GLRA3: variants seen among roughly 807,000 people sequenced by gnomAD.
GLRA3 encodes the protein glycine receptor subunit alpha-3.
A neutral mutation model predicts 60.4 loss-of-function variants in GLRA3; 44 were observed. The ratio of observed to expected loss-of-function variants is 0.73; its 90% CI spans 0.57 to 0.94. The LOEUF (loss-of-function observed/expected upper bound fraction) is 0.94, where lower values mean the gene tolerates loss of function less well. Ranked by LOEUF, GLRA3 falls within the 40% of genes least tolerant of loss-of-function variation. GLRA3 has a pLI of 0.00. For missense variants in GLRA3, 508 were observed against 564.6 expected (o/e 0.90, Z 1.02); for synonymous variants, 223 against 192.9 (o/e 1.16, Z -1.29).
intron 5 of GLRA3, among the ~76,000 whole-genome samples, chr4:174,691,972 G>A (rs534137869): frequency 9.9e-5 from 15 of 151,434 alleles, no homozygotes; most frequent in African/African-American, 1.7e-4. Flanking sequence ...GCCGCCCATC[G>A]TCTGAGATAA....
chr4:174,737,938 T>A (rs968372488), intron 3 of GLRA3, among the ~76,000 whole-genome samples: 1 of 152,180 alleles, frequency 6.6e-6, no homozygotes, highest in Non-Finnish European at 1.5e-5. Flanking sequence ...CAACTAACTA[T>A]GAAATGTGAG....
intron 3 of GLRA3, among the ~76,000 whole-genome samples, chr4:174,739,485 A>G (rs1444934013): frequency 6.6e-6 from 1 of 152,184 alleles, no homozygotes; most frequent in East Asian, 1.9e-4. Context: ...CCTTGCCTAT[A>G]CTTCAGAAAT....
intron 5 of GLRA3, among the ~76,000 whole-genome samples, chr4:174,687,923 G>C (rs1016363130): frequency 6.6e-6 from 1 of 152,066 alleles, no homozygotes; most frequent in African/African-American, 2.4e-5. Flanking sequence ...AGAGTTCATT[G>C]ATATGGTTTC....
chr4:174,774,231 G>A lies in GLRA3; in HGVS notation c.200-7201C>T, dbSNP rs74642457. On this transcript the variant is annotated intron_variant, in intron 2 of 9. Transcript: ENST00000274093. ...GATAATGGGAGCCTGGTTTCTTGCT[G>A]TTGGAAGAGGAAGTTAAAATATGGA... Among the ~76,000 whole-genome samples, 803 of 152,274 alleles carry A rather than the reference G, an allele frequency of 5.3e-3. 6 individuals carry two copies. The highest frequency in any genetic ancestry group is 0.018 in the African/African-American group (761 of 41,540).
intron 7 of GLRA3, among the ~76,000 whole-genome samples, chr4:174,664,292 T>C (rs1438358348): frequency 6.6e-6 from 1 of 152,170 alleles, no homozygotes; most frequent in Admixed American, 6.5e-5. Context: ...CTCTATTTCC[T>C]GACTAAAGCC....
chr4:174,668,370 T>G (rs72998801), intron 7 of GLRA3, among the ~76,000 whole-genome samples: 17 of 152,272 alleles, frequency 1.1e-4, no homozygotes, highest in Admixed American at 1.1e-3. Context: ...GATTATTGAA[T>G]AGCAGTAATT....
chr4:174,648,690 T>C (rs1732924711), intron 9 of GLRA3, among the ~76,000 whole-genome samples: 1 of 152,142 alleles, frequency 6.6e-6, no homozygotes, highest in South Asian at 2.1e-4. Context: ...GCCCTCATTC[T>C]GGGAAGGCAG....
In GLRA3 at chr4:174,639,682, T is replaced by A. The variant is rs1263879940; in HGVS notation, c.*4104A>T. On this transcript the variant is annotated 3_prime_UTR_variant, in exon 10 of 10. Transcript: ENST00000274093. Reference sequence around the variant, plus strand: ...TGAAGTAATTGGAGTACCAGGTGTCTCCCTATGGAAGTTCACTTTTTAATA... The same window carrying A: ...TGAAGTAATTGGAGTACCAGGTGTCACCCTATGGAAGTTCACTTTTTAATA... 6.6e-6 allele frequency: 1 copy of A among 152,110 alleles called. No individual in the cohort carries two copies. Among genetic ancestry groups the A allele is most frequent in the African/African-American group, 2.4e-5 (1 of 41,430 alleles). The allele number at this position is 152,110 out of a possible 1,614,324, so 9.4% of individuals were successfully genotyped here.
At position 174,643,365 on chromosome 4, in the gene GLRA3, AAATAGTTTTAAATCTCAAACTATTGG is replaced by A; in HGVS notation, c.*395_*420del. 2.8e-6 allele frequency: 1 copy of A among 354,424 alleles called. No homozygotes were observed. The highest frequency in any genetic ancestry group is 3.2e-6 in the Non-Finnish European group (1 of 317,400). 22.0% of individuals were successfully genotyped at this position (354,424 alleles called of 1,614,324 possible). A position where few individuals can be genotyped will look rare whatever the true frequency, so the allele number is the denominator to read the frequency against. Reference sequence around the variant, plus strand: ...CCCATTTTGTAACTATACTATAAGAAAATAGTTTTAAATCTCAAACTATTGGTTTACTGTGCAAAATTTGCTTTTGT... The same window carrying A: ...CCCATTTTGTAACTATACTATAAGAATTTACTGTGCAAAATTTGCTTTTGT... On this transcript the variant is annotated 3_prime_UTR_variant, in exon 10 of 10. Transcript: ENST00000274093.
Position 174,677,249 on chromosome 4 carries a change from T to C in GLRA3, c.756A>G (p.Gln252=). Residue 252 remains glutamine (Q), a synonymous_variant, in exon 7 of 10, where the codon CAA becomes CAG. Transcript: ENST00000274093. ...CIEVRFHLER[Q]MGYYLIQMYI... ...ACATCTGGATCAGATAGTATCCCAT[T>C]TGTCGCTCCAGATGGAATCGCACTT... is the stretch of plus-strand genomic sequence containing the variant. 1 of 1,612,944 alleles carries C rather than the reference T, an allele frequency of 6.2e-7. No homozygotes were observed. The highest frequency in any genetic ancestry group is 1.1e-5 in the South Asian group (1 of 91,040).
intron 5 of GLRA3, among the ~76,000 whole-genome samples, chr4:174,693,846 C>T (rs904019360): frequency 1.4e-4 from 22 of 152,110 alleles, no homozygotes; most frequent in Non-Finnish European, 1.5e-5. Flanking sequence ...AGAGACCAAT[C>T]TCACAGGTAA....
chr4:174,721,801 G>A (rs979507753), intron 4 of GLRA3, among the ~76,000 whole-genome samples: 1 of 109,032 alleles, frequency 9.2e-6, no homozygotes, highest in East Asian at 2.8e-4. Flanking sequence ...ACATATAGAT[G>A]TATATGAAAA....
intron 4 of GLRA3, among the ~76,000 whole-genome samples, chr4:174,719,301 C>T (rs1211631616): frequency 6.6e-6 from 1 of 152,054 alleles, no homozygotes; most frequent in Non-Finnish European, 1.5e-5. Context: ...CTCTCAAAAG[C>T]ATTGAAGCAT....
At chr4:174,775,155 G>A (rs1738548993) in intron 2 of GLRA3, among the ~76,000 whole-genome samples, 1 of 152,082 alleles carries the variant, frequency 6.6e-6, no homozygotes, top group Admixed American at 6.6e-5. Flanking sequence ...GATACTTCTT[G>A]TTAAAGTGAC....
chr4:174,653,585 T>C (rs1433492979), intron 9 of GLRA3, among the ~76,000 whole-genome samples: 1 of 151,942 alleles, frequency 6.6e-6, no homozygotes, highest in Non-Finnish European at 1.5e-5. Flanking sequence ...TGGTAAAATT[T>C]AAATTTAAAA....
Position 174,677,244 on chromosome 4 carries a change from C to A in GLRA3, c.761G>T (p.Gly254Val). The stretch of plus-strand genomic sequence containing the variant: ...AATGTACATCTGGATCAGATAGTAT[C>A]CCATTTGTCGCTCCAGATGGAATCG... The part of the protein sequence containing the change: ...EVRFHLERQM[G>V]YYLIQMYIPS... Residue 254 changes from glycine to valine, a missense_variant, in exon 7 of 10, where the codon GGA becomes GTA. Physicochemically the swap from Gly to Val is moderately radical, Grantham distance 109. Coordinates refer to ENST00000274093, the MANE Select transcript of GLRA3 (RefSeq NM_006529.4). 2 of 1,612,920 alleles carry A rather than the reference C, an allele frequency of 1.2e-6. No homozygotes were observed. Among genetic ancestry groups the A allele is most frequent in the Non-Finnish European group, 1.7e-6 (2 of 1,179,058 alleles).
chr4:174,670,237 T>C (rs1269477183), intron 7 of GLRA3, among the ~76,000 whole-genome samples: 1 of 152,188 alleles, frequency 6.6e-6, no homozygotes, highest in African/African-American at 2.4e-5. Context: ...ACCTCTCTTT[T>C]CTTCATTTTT....
intron 3 of GLRA3, among the ~76,000 whole-genome samples, chr4:174,734,342 C>T (rs908981997): frequency 5.3e-5 from 8 of 152,286 alleles, no homozygotes; most frequent in Non-Finnish European, 1.5e-5. Flanking sequence ...CTAACATCAT[C>T]TCTGTAATAT....
At chr4:174,692,640 C>T (rs1446222959) in intron 5 of GLRA3, among the ~76,000 whole-genome samples, 6 of 150,738 alleles carry the variant, frequency 4.0e-5, no homozygotes, top group African/African-American at 1.2e-4. Context: ...GTGACCTTAC[C>T]CCCAACCCTG....
Sources: allele counts gnomAD v4.1 joint callset (sites outside exome capture counted in the v4.1 genomes callset), GRCh38; gene constraint gnomAD v4.1.1; transcripts MANE v1.5; gene names NCBI Gene and HGNC (gene_info 2026-07-23, HGNC 2026-07-21).